The following MYRF variants were observed in gnomAD, a reference collection of about 807,000 sequenced individuals.
The protein encoded by MYRF is myelin gene regulatory factor.
A neutral mutation model predicts 126.3 loss-of-function variants in MYRF; 16 were observed. The ratio of observed to expected loss-of-function variants is 0.13; its 90% CI spans 0.09 to 0.19. The LOEUF (loss-of-function observed/expected upper bound fraction) is 0.19. Among genes scored for constraint, MYRF ranks in the 10% least tolerant of loss-of-function variants. The probability of loss-of-function intolerance (pLI) is 1.00; values close to 1 mark genes in which losing one functional copy is unlikely to be tolerated. For synonymous variants in MYRF, 608 were observed against 635.3 expected (o/e 0.96, Z 0.65); for missense variants, 1,104 against 1,547.0 (o/e 0.71, Z 4.80).
chr11:61,759,601 C>T (rs1266186462), intron 1 of MYRF, among the ~76,000 whole-genome samples: 2 of 151,932 alleles, frequency 1.3e-5, no homozygotes, highest in South Asian at 2.1e-4. Flanking sequence ...ACTCAGGAGG[C>T]GGAAGTTGCA....
chr11:61,762,527 G>A (rs1364253751), intron 1 of MYRF, among the ~76,000 whole-genome samples: 2 of 152,158 alleles, frequency 1.3e-5, no homozygotes, highest in East Asian at 1.9e-4. Flanking sequence ...GTGATGTTCT[G>A]GGGCTCTTTT....
At chr11:61,784,648 G>A (rs1318020764) in intron 25 of MYRF, 3 of 463,182 alleles carry the variant, frequency 6.5e-6, no homozygotes, top group Admixed American at 3.6e-5. Flanking sequence ...TGCTAATGTG[G>A]ATGAGTGCAA....
Position 61,776,200 on chromosome 11 carries a change from A to T in MYRF, c.1388+68A>T. ...ACAACTAAAGCTGGCTTGGGAATGG[A>T]GGGGCCAGGGAGGTACCCAGGGTGT... On this transcript the variant is annotated intron_variant, in intron 9 of 26. Transcript: ENST00000278836. The surrounding 1 kb of genome is among the most constrained non-coding windows in gnomAD (Gnocchi z 4.3). The T allele has an allele frequency of 6.3e-7, 1 of 1,594,398 alleles. No individual in the cohort carries two copies. Among genetic ancestry groups the T allele is most frequent in the Non-Finnish European group, 8.6e-7 (1 of 1,162,818 alleles).
At chr11:61,754,311 G>C (rs1302580365) in intron 1 of MYRF, 2 of 152,466 alleles carry the variant, frequency 1.3e-5, no homozygotes, top group Admixed American at 1.3e-4. Context: ...GCTTGGACTA[G>C]ATTGAATGGT....
chr11:61,759,268 G>A (rs2065842334), intron 1 of MYRF, among the ~76,000 whole-genome samples: 2 of 152,258 alleles, frequency 1.3e-5, no homozygotes, highest in Admixed American at 6.5e-5. Flanking sequence ...TCTTGGGGCT[G>A]TGAGTTCAGC....
At chr11:61,782,920 A>G (rs2066591426) in intron 22 of MYRF, 1 of 152,460 alleles carries the variant, frequency 6.6e-6, no homozygotes, top group Non-Finnish European at 1.5e-5. Context: ...TCCTGGGTGG[A>G]TAGTCAGGCA....
At chr11:61,779,195 C>G in intron 14 of MYRF, 68 bp from the exon 15 acceptor site, 1 of 1,478,476 alleles carries the variant, frequency 6.8e-7, no homozygotes, top group Non-Finnish European at 9.0e-7. Context: ...GTCTGGCAGC[C>G]TGGGGCTCCC....
At position 61,776,726 on chromosome 11, in the gene MYRF, A is replaced by C; in HGVS notation, c.1500-61A>C. ...AGATGAACATGCATCTGGCCAGGGA[A>C]AGGGTGGCCCTGGGGGCGGGGGCAG... On this transcript the variant is annotated intron_variant, in intron 10 of 26. Coordinates refer to ENST00000278836, the MANE Select transcript of MYRF (RefSeq NM_001127392.3). This position sits in a 1 kb window ranked among gnomAD's most constrained non-coding sequence, Gnocchi z 4.3. 7.6e-7 allele frequency: 1 copy of C among 1,312,808 alleles called. No homozygotes were observed. Among genetic ancestry groups the C allele is most frequent in the Admixed American group, 2.2e-5 (1 of 45,090 alleles). 81.3% of individuals were successfully genotyped at this position (1,312,808 alleles called of 1,614,324 possible).
rs1175335800 is a variant in MYRF, at chr11:61,757,119, T to C, written c.46+4329T>C. 2.2e-6 allele frequency: 1 copy of C among 455,580 alleles called. No homozygotes were observed. The highest frequency in any genetic ancestry group is 4.4e-6 in the Non-Finnish European group (1 of 225,826). The allele number at this position is 455,580 out of a possible 1,614,324, so 28.2% of individuals were successfully genotyped here. On this transcript the variant is annotated intron_variant, in intron 1 of 26. Transcript: ENST00000278836. The surrounding 1 kb of genome is among the most constrained non-coding windows in gnomAD (Gnocchi z 4.7). ...CCTCTTCACGGACCTAGCACCTTCC[T>C]GGGCCTCAGTTTCTCTCATTGCCTT...
Position 61,787,821 on chromosome 11 carries a change from T to G in MYRF, c.*1678T>G, listed in dbSNP as rs1005663178. On this transcript the variant is annotated 3_prime_UTR_variant, in exon 27 of 27. Transcript: ENST00000278836. ...AACTGCCGAGCCCCACTCCATGTAA[T>G]AGGATTCCTGGGCTTCCTCAATGGG... The G allele has an allele frequency of 6.5e-6, 1 of 152,684 alleles. No homozygotes were observed. The highest frequency in any genetic ancestry group is 1.5e-5 in the Non-Finnish European group (1 of 68,054). The allele number at this position is 152,684 out of a possible 1,614,324, so 9.5% of individuals were successfully genotyped here. A position where few individuals can be genotyped will look rare whatever the true frequency, so the allele number is the denominator to read the frequency against.
chr11:61,752,840 C>T, intron 1 of MYRF, 50 bp downstream of exon 1: 1 of 1,456,282 alleles, frequency 6.9e-7, no homozygotes, highest in Non-Finnish European at 9.1e-7. Flanking sequence ...TGGGAACCCC[C>T]GGCTGATCTC....
chr11:61,779,439 G>A lies in MYRF; in HGVS notation c.2174+16G>A. The A allele has an allele frequency of 1.9e-6, 3 of 1,550,374 alleles. No homozygotes were observed. The highest frequency in any genetic ancestry group is 2.6e-6 in the Non-Finnish European group (3 of 1,146,336). On this transcript the variant is annotated intron_variant, in intron 15 of 26. Transcript: ENST00000278836. ...GCGCCTTCAGGTAGGGGTGCGGGGT[G>A]GGGGAAGGTGAGACCCTTCTTCCCA... is the stretch of plus-strand genomic sequence containing the variant.
At position 61,771,474 on chromosome 11, in the gene MYRF, C is replaced by A. The variant is rs376523393; in HGVS notation, c.741-26C>A. 1.4e-4 allele frequency: 225 copies of A among 1,598,442 alleles called. No individual in the cohort carries two copies. In the South Asian group the frequency reaches 1.9e-3, roughly 14 times the overall value. ...GAGGGGCTCGGGGAGAGCCAGCCCC[C>A]ACGGCGCACACTTCTGTTTCCCCAG... On this transcript the variant is annotated intron_variant, in intron 5 of 26. Coordinates refer to ENST00000278836, the MANE Select transcript of MYRF (RefSeq NM_001127392.3).
Position 61,779,416 on chromosome 11 carries a change from G to A in MYRF, c.2167G>A (p.Ala723Thr), listed in dbSNP as rs34038946. 3.7e-3 allele frequency: 5,759 copies of A among 1,551,204 alleles called. 282 individuals carry two copies. The Admixed American group carries it at 0.097, about 26-fold the overall frequency. Residue 723 changes from alanine (A) to threonine (T), a missense_variant, in exon 15 of 27, where the codon GCC becomes ACC. Ala to Thr is a moderately conservative substitution (Grantham distance 58). Around this residue, in one of 10 missense-constraint regions of MYRF, gnomAD observed 123 missense variants for 209.1 expected, o/e 0.59. Transcript: ENST00000278836. ...DSLKSTGSSG[A>T]FSHAGSQFSR... ...CCTCAAGTCCACCGGCAGCTCGGGC[G>A]CCTTCAGGTAGGGGTGCGGGGTGGG...
At chr11:61,782,943 T>A (rs1291748903) in intron 22 of MYRF, 1 of 152,724 alleles carries the variant, frequency 6.5e-6, no homozygotes, top group Admixed American at 6.5e-5. Context: ...AGCAAGACTG[T>A]ATGTGAACTA....
At position 61,779,346 on chromosome 11, in the gene MYRF, G is replaced by A. The variant is rs2066477850; in HGVS notation, c.2097G>A (p.Leu699=). The change falls in exon 15 of 27, where the codon CTG becomes CTA. Residue 699 remains leucine, a synonymous_variant. Coordinates refer to ENST00000278836, the MANE Select transcript of MYRF (RefSeq NM_001127392.3). ...ACCTGGAGACGCGCATTGATGAGCT[G>A]GAGCGCTGGAGCCACAAGCTGGCCA... The part of the protein sequence containing the change: ...TDNLETRIDE[L]ERWSHKLAKL... 2.6e-6 allele frequency: 4 copies of A among 1,551,090 alleles called. No homozygotes were observed. The highest frequency in any genetic ancestry group is 1.4e-5 in the African/African-American group (1 of 73,052).
chr11:61,777,342 C>T lies in MYRF; in HGVS notation c.1669C>T (p.His557Tyr). Reference sequence around the variant, plus strand: ...ACAGGTGCCCGACACCGTCTTCCACCACGGCCGCGTGGGCATCAACACAGA... The same window carrying T: ...ACAGGTGCCCGACACCGTCTTCCACTACGGCCGCGTGGGCATCAACACAGA... ...RAQVPDTVFH[H>Y]GRVGINTDRP... Residue 557 changes from histidine to tyrosine, a missense_variant, in exon 12 of 27, where the codon CAC becomes TAC. Physicochemically the swap from His to Tyr is moderately conservative, Grantham distance 83 (BLOSUM62 2). Coordinates refer to ENST00000278836, the MANE Select transcript of MYRF (RefSeq NM_001127392.3). This position sits in a 1 kb window ranked among gnomAD's most constrained non-coding sequence, Gnocchi z 8.8. 2 of 1,613,700 alleles carry T rather than the reference C, an allele frequency of 1.2e-6. No homozygotes were observed. Among genetic ancestry groups the T allele is most frequent in the South Asian group, 1.1e-5 (1 of 91,084 alleles).
rs1349795851 is a variant in MYRF at position 61,776,622 on chromosome 11, C to A, written c.1500-165C>A. Among the ~76,000 whole-genome samples, 1 of 152,090 alleles carries A rather than the reference C, an allele frequency of 6.6e-6. No individual in the cohort carries two copies. On this transcript the variant is annotated intron_variant, in intron 10 of 26. Transcript: ENST00000278836. This position sits in a 1 kb window ranked among gnomAD's most constrained non-coding sequence, Gnocchi z 4.3. ...GCCTGGCTTCTGGGTTGAGAAACAGCCCTGGCTTCTTGCTGTGGGCCCTGG... is the reference window on the plus strand; with the variant it reads ...GCCTGGCTTCTGGGTTGAGAAACAGACCTGGCTTCTTGCTGTGGGCCCTGG...
chr11:61,781,740 C>T lies in MYRF; in HGVS notation c.2932C>T (p.Leu978Phe). 6.2e-7 allele frequency: 1 copy of T among 1,612,622 alleles called. No homozygotes were observed. The highest frequency in any genetic ancestry group is 8.5e-7 in the Non-Finnish European group (1 of 1,179,736). ...GQGKAKNSPSLGFHGRARRGA... is the reference protein window; with the variant it reads ...GQGKAKNSPSFGFHGRARRGA... ...GGGCAAAGCCAAGAACAGTCCCAGC[C>T]TTGGTTTCCATGGCCGGGCCCGCCG... The change falls in exon 22 of 27, where the codon CTT (leucine) becomes TTT (phenylalanine). Residue 978 changes from leucine to phenylalanine, a missense_variant. This residue lies in a region of MYRF where 323 missense variants were observed against 383.1 expected (regional missense o/e 0.84). Coordinates refer to ENST00000278836, the MANE Select transcript of MYRF (RefSeq NM_001127392.3).
Sources: allele counts gnomAD v4.1 joint callset (sites outside exome capture counted in the v4.1 genomes callset), GRCh38; gene constraint gnomAD v4.1.1; regional missense constraint gnomAD v4.1.1; non-coding constraint Gnocchi (gnomAD v3.1); transcripts MANE v1.5; gene names NCBI Gene and HGNC (gene_info 2026-07-23, HGNC 2026-07-21).